HOOK3: variants seen among roughly 807,000 people sequenced by gnomAD.
HOOK3 encodes hook microtubule tethering protein 3.
A neutral mutation model predicts 116.3 loss-of-function variants in HOOK3; 24 were observed. That is an observed-to-expected ratio of 0.21 (90% CI 0.15 to 0.29). The LOEUF (loss-of-function observed/expected upper bound fraction) is 0.29, where lower values mean the gene tolerates loss of function less well. HOOK3 is among the 10% of genes least tolerant of loss of function. HOOK3 has a pLI of 1.00. For missense variants in HOOK3, 632 were observed against 830.2 expected (o/e 0.76, Z 2.93); for synonymous variants, 275 against 283.0 (o/e 0.97, Z 0.28).
At chr8:42,985,675 G>A (rs1305171144) in intron 14 of HOOK3, among the ~76,000 whole-genome samples, 1 of 151,922 alleles carries the variant, frequency 6.6e-6, no homozygotes, top group East Asian at 1.9e-4. Context: ...AACCCAGGAG[G>A]TGGAGGTGGC....
chr8:43,006,404 TC>T, intron 17 of HOOK3, among the ~76,000 whole-genome samples: 1 of 151,924 alleles, frequency 6.6e-6, no homozygotes, highest in South Asian at 2.1e-4. Context: ...AACCTCCGCC[TC>T]CCAGGTTCAA....
intron 8 of HOOK3, among the ~76,000 whole-genome samples, chr8:42,962,796 C>CTTCTTTTTTTTTTTTTT (rs1554512590): frequency 1.0e-4 from 10 of 99,350 alleles, no homozygotes; most frequent in African/African-American, 3.1e-4. Flanking sequence ...ACTTCTTCTT[C>CTTCTTTTTTTTTTTTTT]TTTTTTTTTT....
intron 2 of HOOK3, among the ~76,000 whole-genome samples, chr8:42,918,848 G>T (rs1467348288): frequency 6.6e-6 from 1 of 152,210 alleles, no homozygotes; most frequent in Non-Finnish European, 1.5e-5. Flanking sequence ...GTAACAATCT[G>T]ATCTCTCTTT....
intron 17 of HOOK3, 131 bp downstream of exon 17, chr8:43,002,272 T>C: frequency 1.6e-6 from 1 of 606,596 alleles, no homozygotes; most frequent in East Asian, 2.9e-5. Flanking sequence ...ATACATATTA[T>C]GAGAGTCTGA....
intron 16 of HOOK3, among the ~76,000 whole-genome samples, chr8:43,000,661 CTG>C (rs1395450046): frequency 6.6e-6 from 1 of 152,158 alleles, no homozygotes; most frequent in Non-Finnish European, 1.5e-5. Context: ...TGCATGGACT[CTG>C]GGGTCTGGCA....
rs1483597167 is a variant in HOOK3, at chr8:43,027,471, C to T, written c.*8973C>T. ...AAAGTACAAAACGTTTCTCTTCTAC[C>T]TTACCCCCTGTTCTACTGACGTGCT... On this transcript the variant is annotated 3_prime_UTR_variant, in exon 22 of 22. Transcript: ENST00000307602. 6.4e-6 allele frequency: 3 copies of T among 471,384 alleles called. No homozygotes were observed. Among genetic ancestry groups the T allele is most frequent in the South Asian group, 5.0e-5 (3 of 60,092 alleles). 29.2% of individuals were successfully genotyped at this position (471,384 alleles called of 1,614,324 possible). A position where few individuals can be genotyped will look rare whatever the true frequency, so the allele number is the denominator to read the frequency against.
chr8:43,009,265 G>A (rs193095945), intron 18 of HOOK3, among the ~76,000 whole-genome samples: 6 of 151,912 alleles, frequency 3.9e-5, no homozygotes, highest in Non-Finnish European at 7.4e-5. Flanking sequence ...AATTAGCCGG[G>A]GGTGGTGGCA....
chr8:42,904,655 G>T (rs1807267599), intron 1 of HOOK3, among the ~76,000 whole-genome samples: 1 of 152,072 alleles, frequency 6.6e-6, no homozygotes, highest in Non-Finnish European at 1.5e-5. Context: ...TCACTCCCCT[G>T]GTTCAAATCC....
intron 1 of HOOK3, among the ~76,000 whole-genome samples, chr8:42,900,360 G>A (rs1807161074): frequency 6.6e-6 from 1 of 152,130 alleles, no homozygotes; most frequent in Admixed American, 6.5e-5. Context: ...CACTTTTCCA[G>A]GTTTTAGAGA....
At chr8:42,906,087 CAAAAAAA>C (rs35347216) in intron 1 of HOOK3, 79 bp from the exon 2 acceptor site, 5,402 of 397,706 alleles carry the variant, frequency 0.014, 22 homozygotes, top group Non-Finnish European at 0.019. Context: ...ACTCCGTCTC[CAAAAAAA>C]AAAAAAAAAA....
In HOOK3 at chr8:43,023,774, C is replaced by T. The variant is rs35258203; in HGVS notation, c.*5276C>T. ...CTGCCCCAGCCTCCTATTTCCTTTT[C>T]GAAAGTAGCAGTTTGGTTTATTCTC... On this transcript the variant is annotated 3_prime_UTR_variant, in exon 22 of 22. Coordinates refer to ENST00000307602, the MANE Select transcript of HOOK3 (RefSeq NM_032410.4). The T allele has an allele frequency of 0.04, 7,921 of 196,636 alleles. 221 individuals are homozygous for T. Among genetic ancestry groups the T allele is most frequent in the South Asian group, 0.074 (386 of 5,186 alleles). The allele number at this position is 196,636 out of a possible 1,614,324, so 12.2% of individuals were successfully genotyped here. A position where few individuals can be genotyped will look rare whatever the true frequency, so the allele number is the denominator to read the frequency against.
intron 17 of HOOK3, among the ~76,000 whole-genome samples, chr8:43,005,980 C>G (rs1809478489): frequency 6.6e-6 from 1 of 151,372 alleles, no homozygotes; most frequent in African/African-American, 2.4e-5. Context: ...CAGGTGTGAG[C>G]CACCGCACCT....
At chr8:42,969,906 A>G (rs1231448781) in intron 11 of HOOK3, among the ~76,000 whole-genome samples, 2 of 152,194 alleles carry the variant, frequency 1.3e-5, no homozygotes, top group African/African-American at 2.4e-5. Context: ...CTATGGATCT[A>G]TGACTTGTCC....
In HOOK3 at chr8:42,897,095, G is replaced by A; in HGVS notation, c.-37G>A. The A allele has an allele frequency of 8.1e-7, 1 of 1,239,370 alleles. No homozygotes were observed. Among genetic ancestry groups the A allele is most frequent in the Non-Finnish European group, 1.0e-6 (1 of 987,048 alleles). The allele number at this position is 1,239,370 out of a possible 1,614,324, so 76.8% of individuals were successfully genotyped here. ...CCCGACAGAGCGGCGGCGGTGTCTGGCCAGGCGGTAGGCGCTGCCTGGCCG... is the reference window on the plus strand; with the variant it reads ...CCCGACAGAGCGGCGGCGGTGTCTGACCAGGCGGTAGGCGCTGCCTGGCCG... On this transcript the variant is annotated 5_prime_UTR_variant, in exon 1 of 22. Transcript: ENST00000307602.
intron 21 of HOOK3, among the ~76,000 whole-genome samples, chr8:43,015,079 G>A (rs531770310): frequency 7.2e-5 from 11 of 152,092 alleles, no homozygotes; most frequent in Admixed American, 6.5e-4. Context: ...CCCGGGAGGC[G>A]GAAGTTGGGA....
intron 13 of HOOK3, among the ~76,000 whole-genome samples, chr8:42,975,120 G>A (rs1045676237): frequency 6.6e-6 from 1 of 152,172 alleles, no homozygotes; most frequent in African/African-American, 2.4e-5. Context: ...CGGGAACCTG[G>A]GAGGCCAGGC....
At chr8:42,919,801 G>A (rs1013255696) in intron 2 of HOOK3, among the ~76,000 whole-genome samples, 6 of 152,174 alleles carry the variant, frequency 3.9e-5, no homozygotes, top group African/African-American at 1.4e-4. Context: ...AACCAGTCAG[G>A]CGTGGCGGTG....
intron 11 of HOOK3, among the ~76,000 whole-genome samples, chr8:42,973,037 A>G (rs1294868550): frequency 6.6e-6 from 1 of 152,160 alleles, no homozygotes; most frequent in Non-Finnish European, 1.5e-5. Context: ...GGTTATCTCT[A>G]TTGCTAGAAA....
chr8:42,983,072 C>T (rs542190811), intron 14 of HOOK3, among the ~76,000 whole-genome samples: 16 of 152,268 alleles, frequency 1.1e-4, no homozygotes, highest in South Asian at 2.1e-4. Context: ...TGGTGGCTCA[C>T]GCCTGCAATC....
Sources: gnomAD v4.1 joint callset for allele counts (sites outside exome capture counted in the v4.1 genomes callset) on GRCh38, gnomAD v4.1.1 for gene constraint, MANE v1.5 for transcripts, NCBI Gene and HGNC (gene_info 2026-07-23, HGNC 2026-07-21) for gene names.